TGFA: variants seen among roughly 807,000 people sequenced by gnomAD.
The protein encoded by TGFA is protransforming growth factor alpha.
Under a neutral mutation model 21.7 loss-of-function variants are expected in TGFA, and 12 were observed. The observed-to-expected ratio is 0.55, with a 90% CI of 0.35 to 0.90. The LOEUF is 0.90. TGFA is among the 40% of genes least tolerant of loss of function. The pLI is 0.01. For synonymous variants in TGFA, 79 were observed against 88.1 expected, an observed-to-expected ratio of 0.90 and a Z score of 0.58; for missense variants, 178 against 210.8, an observed-to-expected ratio of 0.84 and a Z score of 0.96.
chr2:70,462,335 T>G (rs1670428768), intron 3 of TGFA, among the ~76,000 whole-genome samples: 1 of 152,058 alleles, frequency 6.6e-6, no homozygotes, highest in South Asian at 2.1e-4. Flanking sequence ...GGGTAAGGAG[T>G]GCCGTCAGAG....
chr2:70,492,174 A>G (rs1671456315), intron 2 of TGFA, among the ~76,000 whole-genome samples: 1 of 152,204 alleles, frequency 6.6e-6, no homozygotes. Context: ...GGGACCTGAC[A>G]TAGCCAGGGC....
At chr2:70,470,861 C>A (rs555614102) in intron 2 of TGFA, among the ~76,000 whole-genome samples, 1 of 152,244 alleles carries the variant, frequency 6.6e-6, no homozygotes, top group African/African-American at 2.4e-5. Context: ...AAAAAAAACC[C>A]TTTTCCTGAC....
chr2:70,472,595 C>G (rs139320609), intron 2 of TGFA, among the ~76,000 whole-genome samples: 5 of 152,280 alleles, frequency 3.3e-5, no homozygotes, highest in African/African-American at 1.2e-4. Flanking sequence ...CTCCGTAGTT[C>G]AGAGGAGCCA....
intron 4 of TGFA, 146 bp from the exon 5 acceptor site, chr2:70,453,473 G>T: frequency 9.6e-6 from 6 of 623,558 alleles, no homozygotes; most frequent in Non-Finnish European, 1.6e-5. Context: ...AGAGGGACAG[G>T]CACCATAGGG....
chr2:70,494,905 A>G (rs1553498136), intron 2 of TGFA, among the ~76,000 whole-genome samples: 1 of 152,208 alleles, frequency 6.6e-6, no homozygotes, highest in Non-Finnish European at 1.5e-5. Flanking sequence ...ACACTAGCAA[A>G]TACGGATTTT....
At chr2:70,493,524 T>A (rs1245701558) in intron 2 of TGFA, among the ~76,000 whole-genome samples, 1 of 152,232 alleles carries the variant, frequency 6.6e-6, no homozygotes, top group African/African-American at 2.4e-5. Context: ...TTCTAACCTC[T>A]GTGTTTGCCT....
intron 2 of TGFA, among the ~76,000 whole-genome samples, chr2:70,480,630 C>T (rs1439761968): frequency 3.3e-5 from 5 of 152,012 alleles, no homozygotes; most frequent in African/African-American, 4.8e-5. Context: ...GCCTCGCCAC[C>T]CCCACCAACC....
intron 1 of TGFA, among the ~76,000 whole-genome samples, chr2:70,547,550 A>G (rs1321840031): frequency 2.7e-5 from 4 of 150,476 alleles, no homozygotes; most frequent in Non-Finnish European, 5.9e-5. Context: ...CTCAAGAAAA[A>G]AAAAAAAAAA....
chr2:70,461,694 TGGGGAATCTGCCTC>T (rs1483823350), intron 3 of TGFA: 1 of 152,190 alleles, frequency 6.6e-6, no homozygotes, highest in East Asian at 1.9e-4. Flanking sequence ...ACCAATGGTG[TGGGGAATCTGCCTC>T]GGGGAAAAAG....
At chr2:70,487,016 C>G (rs535935700) in intron 2 of TGFA, among the ~76,000 whole-genome samples, 3 of 152,224 alleles carry the variant, frequency 2.0e-5, no homozygotes, top group Non-Finnish European at 4.4e-5. Context: ...CCCGCCTCGG[C>G]CTCCCAAAGT....
intron 3 of TGFA, among the ~76,000 whole-genome samples, chr2:70,458,636 C>CT (rs1553490981): frequency 6.6e-6 from 1 of 152,220 alleles, no homozygotes; most frequent in Non-Finnish European, 1.5e-5. Context: ...CCTGGAATAT[C>CT]ATTCCTCACT....
At chr2:70,488,609 A>G (rs1319692503) in intron 2 of TGFA, among the ~76,000 whole-genome samples, 1 of 152,180 alleles carries the variant, frequency 6.6e-6, no homozygotes, top group Non-Finnish European at 1.5e-5. Context: ...CAAATTTGTC[A>G]TCTTCCCTTG....
At chr2:70,550,543 G>A (rs1433694026) in intron 1 of TGFA, among the ~76,000 whole-genome samples, 6 of 152,044 alleles carry the variant, frequency 3.9e-5, no homozygotes, top group Admixed American at 2.6e-4. Flanking sequence ...CTCCAGGGCC[G>A]GGCACGGTGG....
chr2:70,454,896 G>A (rs570548273), intron 4 of TGFA, among the ~76,000 whole-genome samples: 1 of 152,334 alleles, frequency 6.6e-6, no homozygotes, highest in East Asian at 1.9e-4. Flanking sequence ...GGGGAGGCCT[G>A]TGTGGGCCAC....
At chr2:70,467,193 T>TA (rs1670592834) in intron 2 of TGFA, among the ~76,000 whole-genome samples, 1 of 152,208 alleles carries the variant, frequency 6.6e-6, no homozygotes, top group Admixed American at 6.5e-5. Flanking sequence ...CCCTGGAACT[T>TA]AAAAAAATTA....
chr2:70,477,105 TGTTA>T (rs1670960236), intron 2 of TGFA, among the ~76,000 whole-genome samples: 1 of 152,228 alleles, frequency 6.6e-6, no homozygotes, highest in Non-Finnish European at 1.5e-5. Context: ...CAATTTTTAT[TGTTA>T]GTGTTTTATT....
At chr2:70,458,783 A>C (rs1670319472) in intron 3 of TGFA, among the ~76,000 whole-genome samples, 1 of 151,748 alleles carries the variant, frequency 6.6e-6, no homozygotes, top group Non-Finnish European at 1.5e-5. Context: ...TCCTCCCTGA[A>C]CCCCCCAGGA....
At chr2:70,534,531 C>T (rs2103913588) in intron 1 of TGFA, among the ~76,000 whole-genome samples, 1 of 152,168 alleles carries the variant, frequency 6.6e-6, no homozygotes, top group African/African-American at 2.4e-5. Flanking sequence ...AATCAAACAC[C>T]TTTAAAAAAA....
At chr2:70,494,684 C>T (rs1295846038) in intron 2 of TGFA, among the ~76,000 whole-genome samples, 1 of 152,164 alleles carries the variant, frequency 6.6e-6, no homozygotes, top group African/African-American at 2.4e-5. Context: ...CTAATTTGAC[C>T]AATGAAAATG....
Sources: gnomAD v4.1 joint callset for allele counts (sites outside exome capture counted in the v4.1 genomes callset) on GRCh38, gnomAD v4.1.1 for gene constraint, MANE v1.5 for transcripts, NCBI Gene and HGNC (gene_info 2026-07-23, HGNC 2026-07-21) for gene names.